SLC24A2: variants seen among roughly 807,000 people sequenced by gnomAD.
The protein encoded by SLC24A2 is sodium/potassium/calcium exchanger 2.
A neutral mutation model predicts 62.0 loss-of-function variants in SLC24A2; 36 were observed. That is an observed-to-expected ratio of 0.58 (90% CI 0.44 to 0.77). SLC24A2 has a LOEUF of 0.77. Ranked by LOEUF, SLC24A2 falls within the 30% of genes least tolerant of loss-of-function variation. The pLI is 0.00. For synonymous variants in SLC24A2, 358 were observed against 294.0 expected (o/e 1.22, Z -2.23); for missense variants, 846 against 817.9 (o/e 1.03, Z -0.42).
chr9:19,535,871 C>T (rs1334987650), intron 8 of SLC24A2, among the ~76,000 whole-genome samples: 3 of 152,068 alleles, frequency 2.0e-5, no homozygotes, highest in African/African-American at 7.3e-5. Context: ...TTTTCCAATT[C>T]TGTGAAGAAA....
chr9:19,544,003 T>C (rs1834417694), intron 8 of SLC24A2, among the ~76,000 whole-genome samples: 1 of 152,176 alleles, frequency 6.6e-6, no homozygotes, highest in Non-Finnish European at 1.5e-5. Flanking sequence ...TTCTGTCTCA[T>C]TGATGTGTCT....
chr9:20,230,218 C>A, the SLC24A2 span, among the ~76,000 whole-genome samples: 2,821 of 151,956 alleles, frequency 0.019, 37 homozygotes, highest in Non-Finnish European at 0.026. Context: ...CTTTATAGCA[C>A]CATGTTTTAT....
the SLC24A2 span, among the ~76,000 whole-genome samples, chr9:20,292,790 A>C: frequency 6.6e-6 from 1 of 152,122 alleles, no homozygotes; most frequent in African/African-American, 2.4e-5. Context: ...GGGTCTCCCC[A>C]CCTTGCCCAG....
At chr9:20,009,169 G>A in the SLC24A2 span, among the ~76,000 whole-genome samples, 4 of 152,110 alleles carry the variant, frequency 2.6e-5, no homozygotes, top group African/African-American at 7.2e-5. Flanking sequence ...CTGGGACCCT[G>A]TGAAAGAGGC....
At chr9:20,257,038 T>C in the SLC24A2 span, among the ~76,000 whole-genome samples, 1 of 152,148 alleles carries the variant, frequency 6.6e-6, no homozygotes, top group Admixed American at 6.6e-5. Flanking sequence ...TACTGAAAGC[T>C]TAATCATTTC....
intron 2 of SLC24A2, among the ~76,000 whole-genome samples, chr9:19,730,917 A>G (rs1235766741): frequency 6.6e-6 from 1 of 151,880 alleles, no homozygotes; most frequent in African/African-American, 2.4e-5. Flanking sequence ...TTTTTTGACA[A>G]TGGAAAAAAA....
At chr9:19,887,240 A>G in the SLC24A2 span, among the ~76,000 whole-genome samples, 1 of 152,120 alleles carries the variant, frequency 6.6e-6, no homozygotes, top group Non-Finnish European at 1.5e-5. Context: ...TCCTTTCCCC[A>G]CTTTTTAATG....
At chr9:19,782,978 T>A (rs1823058878) in intron 2 of SLC24A2, among the ~76,000 whole-genome samples, 1 of 152,088 alleles carries the variant, frequency 6.6e-6, no homozygotes, top group African/African-American at 2.4e-5. Context: ...AAAAGGGTAG[T>A]AGCATCACTA....
chr9:20,039,806 C>T, the SLC24A2 span, among the ~76,000 whole-genome samples: 2 of 152,162 alleles, frequency 1.3e-5, no homozygotes, highest in East Asian at 1.9e-4. Flanking sequence ...AGAGCTGGAA[C>T]TGTAGGGAAG....
chr9:19,751,757 G>C (rs578169174), intron 2 of SLC24A2, among the ~76,000 whole-genome samples: 2 of 152,206 alleles, frequency 1.3e-5, no homozygotes, highest in East Asian at 3.9e-4. Flanking sequence ...TGAACATTAC[G>C]GATAGGACCA....
At chr9:19,915,500 G>A in the SLC24A2 span, among the ~76,000 whole-genome samples, 49 of 152,156 alleles carry the variant, frequency 3.2e-4, no homozygotes, top group Admixed American at 3.1e-3. Flanking sequence ...TTGAGGGATT[G>A]CCAAACTTTT....
At chr9:20,092,265 A>G in the SLC24A2 span, among the ~76,000 whole-genome samples, 2 of 152,182 alleles carry the variant, frequency 1.3e-5, no homozygotes, top group Non-Finnish European at 2.9e-5. Flanking sequence ...AAGATGTGTT[A>G]ATTGACCATT....
intron 2 of SLC24A2, among the ~76,000 whole-genome samples, chr9:19,752,945 C>T (rs1387563571): frequency 1.3e-5 from 2 of 152,176 alleles, no homozygotes; most frequent in Admixed American, 6.5e-5. Context: ...TCAAAATTCT[C>T]TATATGGATT....
At chr9:19,886,206 C>G in the SLC24A2 span, among the ~76,000 whole-genome samples, 25 of 152,254 alleles carry the variant, frequency 1.6e-4, no homozygotes, top group East Asian at 4.0e-3. Context: ...CTAATTTACG[C>G]TCCCACCAGC....
At chr9:19,913,231 A>T in the SLC24A2 span, among the ~76,000 whole-genome samples, 216 of 152,170 alleles carry the variant, frequency 1.4e-3, 2 homozygotes, top group East Asian at 0.012. Context: ...CCATATTCTC[A>T]TCTACACCTG....
At chr9:20,233,457 A>T in the SLC24A2 span, among the ~76,000 whole-genome samples, 1 of 152,138 alleles carries the variant, frequency 6.6e-6, no homozygotes, top group East Asian at 1.9e-4. Flanking sequence ...TTCTTGTTTA[A>T]TTGATCCCTT....
At chr9:19,583,800 A>G (rs1374999009) in intron 5 of SLC24A2, among the ~76,000 whole-genome samples, 1 of 152,166 alleles carries the variant, frequency 6.6e-6, no homozygotes, top group East Asian at 1.9e-4. Flanking sequence ...CACATCTCCA[A>G]GGTCAATAAG....
At chr9:20,206,858 C>A in the SLC24A2 span, among the ~76,000 whole-genome samples, 5 of 112,602 alleles carry the variant, frequency 4.4e-5, no homozygotes, top group East Asian at 7.4e-4. Flanking sequence ...TGATATATAA[C>A]CCTCATAAAA....
chr9:20,001,561 T>C, the SLC24A2 span, among the ~76,000 whole-genome samples: 1 of 152,248 alleles, frequency 6.6e-6, no homozygotes, highest in Admixed American at 6.5e-5. Context: ...ATAGAACCAC[T>C]GTGAAAAAAG....
Sources: gnomAD v4.1 joint callset for allele counts (sites outside exome capture counted in the v4.1 genomes callset) on GRCh38, gnomAD v4.1.1 for gene constraint, MANE v1.5 for transcripts, NCBI Gene and HGNC (gene_info 2026-07-23, HGNC 2026-07-21) for gene names.